RAB8A: variants seen among roughly 807,000 people sequenced by gnomAD.
RAB8A encodes ras-related protein Rab-8A.
RAB8A carries 5 observed loss-of-function variants against 29.2 expected under a neutral mutation model. The observed-to-expected ratio is 0.17, with a 90% CI of 0.09 to 0.36. The LOEUF is 0.36. RAB8A is among the 10% of genes least tolerant of loss of function. RAB8A has a pLI of 1.00. For missense variants in RAB8A, 171 were observed against 272.2 expected, an observed-to-expected ratio of 0.63 and a Z score of 2.62; for synonymous variants, 108 against 99.9, an observed-to-expected ratio of 1.08 and a Z score of -0.49.
chr19:16,129,507 C>T, intron 6 of RAB8A, 47 bp from the exon 7 acceptor site: 2 of 1,596,720 alleles, frequency 1.3e-6, no homozygotes, highest in Non-Finnish European at 1.7e-6. Context: ...CGGCTGAGGA[C>T]TCAGGGTCCT....
In RAB8A at chr19:16,129,521, A is replaced by G; in HGVS notation, c.481-33A>G. The stretch of plus-strand genomic sequence containing the variant: ...GCGGCTGAGGACTCAGGGTCCTGCC[A>G]TCCCAAGGACTCACAATGTGCTTAT... On this transcript the variant is annotated intron_variant, in intron 6 of 7. Coordinates refer to ENST00000300935, the MANE Select transcript of RAB8A (RefSeq NM_005370.5). 3.1e-6 allele frequency: 5 copies of G among 1,611,640 alleles called. 1 individual carries two copies. In the South Asian group the frequency reaches 4.4e-5, roughly 14 times the overall value.
intron 1 of RAB8A, among the ~76,000 whole-genome samples, chr19:16,114,329 T>C (rs1008714451): frequency 1.3e-5 from 2 of 150,338 alleles, no homozygotes; most frequent in African/African-American, 4.9e-5. Context: ...CAGACTGGCT[T>C]GCATTCACTC....
rs1256492671 is a variant in RAB8A, at chr19:16,118,166, C to T, written c.125-60C>T. The T allele has an allele frequency of 2.0e-6, 3 of 1,514,506 alleles. No homozygotes were observed. The East Asian group carries it at 6.8e-5, about 34-fold the overall frequency. The allele number at this position is 1,514,506 out of a possible 1,614,324, so 93.8% of individuals were successfully genotyped here. ...ACCTGCACAGGTTGGTGGCGCCCAG[C>T]TCAGACACAACTTGGGAAATGGGCT... On this transcript the variant is annotated intron_variant, in intron 1 of 7. Coordinates refer to ENST00000300935, the MANE Select transcript of RAB8A (RefSeq NM_005370.5).
In RAB8A at chr19:16,125,331, G is replaced by A; in HGVS notation, c.247-139G>A. The A allele has an allele frequency of 1.4e-6, 1 of 706,222 alleles. No individual in the cohort carries two copies. The highest frequency in any genetic ancestry group is 2.4e-6 in the Non-Finnish European group (1 of 409,214). 43.7% of individuals were successfully genotyped at this position (706,222 alleles called of 1,614,324 possible). ...GGGGGCTGGCTTCCGGGGCTCCACA[G>A]AGGTGGGGAGGGCGGCAGCTAATGG... On this transcript the variant is annotated intron_variant, in intron 3 of 7. Transcript: ENST00000300935. This position sits in a 1 kb window ranked among gnomAD's most constrained non-coding sequence, Gnocchi z 5.0.
chr19:16,124,092 C>T (rs771951846), intron 3 of RAB8A: 4 of 152,278 alleles, frequency 2.6e-5, no homozygotes, highest in Non-Finnish European at 2.9e-5. Flanking sequence ...TTCAGAGGGT[C>T]CAGTCCCCGG....
At chr19:16,117,033 C>T (rs181602642) in intron 1 of RAB8A, among the ~76,000 whole-genome samples, 2 of 152,254 alleles carry the variant, frequency 1.3e-5, no homozygotes, top group Admixed American at 6.5e-5. Flanking sequence ...CACTAAGTGA[C>T]CTTTAGTGTC....
At chr19:16,118,709 A>G (rs1258682867) in intron 2 of RAB8A, among the ~76,000 whole-genome samples, 1 of 152,144 alleles carries the variant, frequency 6.6e-6, no homozygotes, top group African/African-American at 2.4e-5. Flanking sequence ...TAAAGGTCCA[A>G]CTTCACTTCC....
chr19:16,132,336 C>A lies in RAB8A; in HGVS notation c.*32C>A. 1.9e-6 allele frequency: 3 copies of A among 1,600,046 alleles called. No homozygotes were observed. The highest frequency in any genetic ancestry group is 2.6e-6 in the Non-Finnish European group (3 of 1,170,252). ...CCGCCTTACTCTGAGCCTCGCTCAGCCCAGCTGACTGTGCCTGTTCTGAGT... is the reference window on the plus strand; with the variant it reads ...CCGCCTTACTCTGAGCCTCGCTCAGACCAGCTGACTGTGCCTGTTCTGAGT... On this transcript the variant is annotated 3_prime_UTR_variant, in exon 8 of 8. Coordinates refer to ENST00000300935, the MANE Select transcript of RAB8A (RefSeq NM_005370.5). This position sits in a 1 kb window ranked among gnomAD's most constrained non-coding sequence, Gnocchi z 5.6.
chr19:16,123,118 G>A (rs956291016), intron 3 of RAB8A, among the ~76,000 whole-genome samples: 2 of 152,308 alleles, frequency 1.3e-5, no homozygotes, highest in East Asian at 3.9e-4. Context: ...AAGAACCTGA[G>A]GTTTGGCCCG....
rs1197140869 is a variant in RAB8A at position 16,122,840 on chromosome 19, T to TC, written c.246+1036dup. Among the ~76,000 whole-genome samples the TC allele has an allele frequency of 6.6e-6, 1 of 151,974 alleles. No individual in the cohort carries two copies. The highest frequency in any genetic ancestry group is 6.6e-5 in the Admixed American group (1 of 15,248). Reference sequence around the variant, plus strand: ...CCTCAGTAAAATTAATGTATTTCTTTCCCCCCACCTCACAGTTCTCTGGTG... The same window carrying TC: ...CCTCAGTAAAATTAATGTATTTCTTTCCCCCCCACCTCACAGTTCTCTGGTG... On this transcript the variant is annotated intron_variant, in intron 3 of 7. Coordinates refer to ENST00000300935, the MANE Select transcript of RAB8A (RefSeq NM_005370.5). The surrounding 1 kb of genome is among the most constrained non-coding windows in gnomAD (Gnocchi z 4.7).
intron 1 of RAB8A, among the ~76,000 whole-genome samples, chr19:16,116,917 A>C (rs1599394820): frequency 6.6e-6 from 1 of 151,212 alleles, no homozygotes; most frequent in African/African-American, 2.4e-5. Flanking sequence ...AAGGATACCA[A>C]CCCTTCCAGT....
rs921163111 is a variant in RAB8A at position 16,112,168 on chromosome 19, G to T, written c.124+143G>T. 1.2e-5 allele frequency: 15 copies of T among 1,224,666 alleles called. No individual in the cohort carries two copies. In the South Asian group the frequency reaches 1.9e-4, roughly 15 times the overall value. 75.9% of individuals were successfully genotyped at this position (1,224,666 alleles called of 1,614,324 possible). The stretch of plus-strand genomic sequence containing the variant: ...GGGGCCTAAAGGGAGAAGAGCAGTC[G>T]CCTGCACCGCCGTTCGGGGGTTCCT... On this transcript the variant is annotated intron_variant, in intron 1 of 7. Coordinates refer to ENST00000300935, the MANE Select transcript of RAB8A (RefSeq NM_005370.5).
At chr19:16,123,264 A>G (rs1225106537) in intron 3 of RAB8A, among the ~76,000 whole-genome samples, 1 of 152,202 alleles carries the variant, frequency 6.6e-6, no homozygotes. Context: ...GGCCAACCTG[A>G]ACAGATGCCA....
intron 6 of RAB8A, among the ~76,000 whole-genome samples, 157 bp downstream of exon 6, chr19:16,128,248 G>C (rs937766213): frequency 1.3e-5 from 2 of 152,194 alleles, no homozygotes; most frequent in African/African-American, 4.8e-5. Flanking sequence ...CCTGGGCAGT[G>C]CCACGTGCCA....
rs771392537 is a variant in RAB8A, at chr19:16,127,619, G to A, written c.414+93G>A. 7.6e-6 allele frequency: 8 copies of A among 1,052,462 alleles called. No individual in the cohort carries two copies. Among genetic ancestry groups the A allele is most frequent in the Admixed American group, 3.1e-5 (1 of 32,490 alleles). 65.2% of individuals were successfully genotyped at this position (1,052,462 alleles called of 1,614,324 possible). Reference sequence around the variant, plus strand: ...TGTCCCTCCTCTGCCCCAGGGGCCTGAGACGAGTTGGTCACCCCAGTGGGG... The same window carrying A: ...TGTCCCTCCTCTGCCCCAGGGGCCTAAGACGAGTTGGTCACCCCAGTGGGG... On this transcript the variant is annotated intron_variant, in intron 5 of 7. Transcript: ENST00000300935. The surrounding 1 kb of genome is among the most constrained non-coding windows in gnomAD (Gnocchi z 4.8).
intron 6 of RAB8A, 96 bp from the exon 7 acceptor site, chr19:16,129,458 C>T (rs568664780): frequency 7.2e-6 from 9 of 1,249,128 alleles, no homozygotes; most frequent in South Asian, 3.7e-5. Context: ...GGGAGGCCCA[C>T]GCCTGGGAAG....
chr19:16,117,210 C>G (rs906187276), intron 1 of RAB8A, among the ~76,000 whole-genome samples: 4 of 151,700 alleles, frequency 2.6e-5, no homozygotes, highest in Non-Finnish European at 4.4e-5. Flanking sequence ...AGCAGAGGGC[C>G]GGGTGCGGTG....
Position 16,115,519 on chromosome 19 carries a change from C to T in RAB8A, c.125-2707C>T, listed in dbSNP as rs527872235. Among the ~76,000 whole-genome samples the T allele has an allele frequency of 5.9e-5, 9 of 152,326 alleles. No homozygotes were observed. In the East Asian group the frequency reaches 1.7e-3, roughly 29 times the overall value. Reference sequence around the variant, plus strand: ...CAGCCTGGCTCGGCGCCACTGCCTCCTCAGGGGCCCATTGATTCCTCCAGT... The same window carrying T: ...CAGCCTGGCTCGGCGCCACTGCCTCTTCAGGGGCCCATTGATTCCTCCAGT... On this transcript the variant is annotated intron_variant, in intron 1 of 7. Coordinates refer to ENST00000300935, the MANE Select transcript of RAB8A (RefSeq NM_005370.5).
chr19:16,114,948 G>A (rs2090840226), intron 1 of RAB8A, among the ~76,000 whole-genome samples: 1 of 152,092 alleles, frequency 6.6e-6, no homozygotes, highest in South Asian at 2.1e-4. Flanking sequence ...AATTTGGCAT[G>A]TTAATAAAAC....
Sources: gnomAD v4.1 joint callset for allele counts (sites outside exome capture counted in the v4.1 genomes callset) on GRCh38, gnomAD v4.1.1 for gene constraint, Gnocchi (gnomAD v3.1) non-coding constraint, MANE v1.5 for transcripts, NCBI Gene and HGNC (gene_info 2026-07-23, HGNC 2026-07-21) for gene names.